The following MYO6 variants were observed in gnomAD, a reference collection of about 807,000 sequenced individuals.
MYO6 encodes the protein myosin VI.
Under a neutral mutation model 178.7 loss-of-function variants are expected in MYO6, and 74 were observed. The ratio of observed to expected loss-of-function variants is 0.41; its 90% CI spans 0.34 to 0.50. MYO6 has a LOEUF of 0.50. Among genes scored for constraint, MYO6 ranks in the 20% least tolerant of loss-of-function variants. The probability of loss-of-function intolerance (pLI) is 0.09; values close to 1 mark genes in which losing one functional copy is unlikely to be tolerated. For missense variants in MYO6, 1,330 were observed against 1,547.4 expected (o/e 0.86, Z 2.36); for synonymous variants, 477 against 504.6 (o/e 0.95, Z 0.73).
rs1776731269 is a variant in MYO6, at chr6:75,866,676, A to T, written c.1770+55A>T. 12 of 1,390,054 alleles carry T rather than the reference A, an allele frequency of 8.6e-6. 1 individual carries two copies. Among genetic ancestry groups the T allele is most frequent in the Non-Finnish European group, 1.2e-5 (12 of 976,036 alleles). The allele number at this position is 1,390,054 out of a possible 1,614,324, so 86.1% of individuals were successfully genotyped here. The stretch of plus-strand genomic sequence containing the variant: ...ATTTCATGTTGAAGCTGCACTGTAC[A>T]GTATGATAGCTTCTAGTCACGTGGT... On this transcript the variant is annotated intron_variant, in intron 17 of 34. Coordinates refer to ENST00000369977, the MANE Select transcript of MYO6 (RefSeq NM_004999.4).
chr6:75,881,816 A>T lies in MYO6; in HGVS notation c.2414A>T (p.Lys805Ile), dbSNP rs1778053391. 1 of 1,613,466 alleles carries T rather than the reference A, an allele frequency of 6.2e-7. No homozygotes were observed. The highest frequency in any genetic ancestry group is 8.5e-7 in the Non-Finnish European group (1 of 1,179,626). ...CAGTGGTGCTCACTCTCAGTCATCA[A>T]ATGTAGGTGTTTTCCTTTACACCTA... The part of the protein sequence containing the change: ...KVQWCSLSVI[K>I]LKNKIKYRAE... Residue 805 changes from lysine (K) to isoleucine (I), a missense_variant and splice_region_variant, in exon 23 of 35, where the codon AAA (lysine) becomes ATA (isoleucine). By Grantham distance (102) the Lys-to-Ile change is moderately radical. Coordinates refer to ENST00000369977, the MANE Select transcript of MYO6 (RefSeq NM_004999.4).
chr6:75,830,372 A>G, intron 4 of MYO6, 44 bp from the exon 5 acceptor site: 3 of 1,563,910 alleles, frequency 1.9e-6, no homozygotes, highest in Non-Finnish European at 2.6e-6. Flanking sequence ...CTTTAAATGA[A>G]AATAGTAATT....
At chr6:75,884,863 T>C (rs1030553945) in intron 23 of MYO6, among the ~76,000 whole-genome samples, 1 of 152,174 alleles carries the variant, frequency 6.6e-6, no homozygotes, top group Non-Finnish European at 1.5e-5. Flanking sequence ...TGTGATGTTA[T>C]ACCTGGGAGC....
intron 1 of MYO6, among the ~76,000 whole-genome samples, chr6:75,784,989 A>C (rs1447775042): frequency 6.6e-6 from 1 of 152,182 alleles, no homozygotes; most frequent in East Asian, 1.9e-4. Context: ...TATTCAGTGC[A>C]CACTTTCATT....
intron 14 of MYO6, among the ~76,000 whole-genome samples, chr6:75,860,169 C>T (rs1277641528): frequency 6.6e-6 from 1 of 152,212 alleles, no homozygotes; most frequent in Non-Finnish European, 1.5e-5. Flanking sequence ...ATTTTATTTC[C>T]TATTTCCATC....
chr6:75,795,894 A>C (rs1448199297), intron 1 of MYO6, among the ~76,000 whole-genome samples: 2 of 152,232 alleles, frequency 1.3e-5, no homozygotes, highest in Non-Finnish European at 2.9e-5. Context: ...TTGCTGAGTA[A>C]TAGCATTATT....
chr6:75,882,867 T>C lies in MYO6; in HGVS notation c.2416+1049T>C, dbSNP rs1421818231. On this transcript the variant is annotated intron_variant, in intron 23 of 34. Transcript: ENST00000369977. Reference sequence around the variant, plus strand: ...AATGCATAAACACATATTATTGTGGTTGGTAATTGTGCACCCAGCTTTGTT... The same window carrying C: ...AATGCATAAACACATATTATTGTGGCTGGTAATTGTGCACCCAGCTTTGTT... Among the ~76,000 whole-genome samples, 4 of 152,114 alleles carry C rather than the reference T, an allele frequency of 2.6e-5. No homozygotes were observed. In the East Asian group the frequency reaches 5.8e-4, roughly 22 times the overall value.
chr6:75,809,464 A>G (rs1770447439), intron 1 of MYO6, among the ~76,000 whole-genome samples: 1 of 152,216 alleles, frequency 6.6e-6, no homozygotes, highest in Non-Finnish European at 1.5e-5. Context: ...CAGAGCCAAT[A>G]TGAACGACTA....
intron 1 of MYO6, among the ~76,000 whole-genome samples, chr6:75,760,634 G>A (rs1482906878): frequency 6.6e-6 from 1 of 151,740 alleles, no homozygotes; most frequent in Non-Finnish European, 1.5e-5. Context: ...AAACAAATAT[G>A]TTTCCCAGCT....
intron 34 of MYO6, among the ~76,000 whole-genome samples, 188 bp downstream of exon 34, chr6:75,914,469 AAATTATG>A (rs1376448397): frequency 6.6e-6 from 1 of 152,206 alleles, no homozygotes; most frequent in African/African-American, 2.4e-5. Context: ...TGCTTGGATT[AAATTATG>A]TTCTTAGCAC....
intron 33 of MYO6, 104 bp downstream of exon 33, chr6:75,911,802 G>C (rs1562319046): frequency 1.4e-5 from 15 of 1,077,462 alleles, no homozygotes; most frequent in Non-Finnish European, 2.1e-5. Context: ...ATTTTCAGTG[G>C]AATTGTAGTG....
At chr6:75,885,885 A>G in intron 23 of MYO6, 119 bp from the exon 24 acceptor site, 1 of 686,046 alleles carries the variant, frequency 1.5e-6, no homozygotes, top group East Asian at 2.8e-5. Context: ...GATATATAAT[A>G]ATATGGTCGT....
At chr6:75,905,011 T>TG (rs1372418220) in intron 30 of MYO6, among the ~76,000 whole-genome samples, 6 of 152,282 alleles carry the variant, frequency 3.9e-5, no homozygotes, top group African/African-American at 1.2e-4. Flanking sequence ...CTGCCCCTGC[T>TG]GGGGGTGCCT....
At chr6:75,825,138 G>A (rs973324980) in intron 3 of MYO6, among the ~76,000 whole-genome samples, 6 of 152,132 alleles carry the variant, frequency 3.9e-5, no homozygotes, top group Non-Finnish European at 7.4e-5. Context: ...GTTGCTTATT[G>A]TCACAAGAAT....
intron 3 of MYO6, among the ~76,000 whole-genome samples, chr6:75,823,459 T>A (rs1772116978): frequency 1.3e-5 from 2 of 152,188 alleles, no homozygotes; most frequent in African/African-American, 4.8e-5. Flanking sequence ...TTAACAATTA[T>A]GTACACTTGT....
At chr6:75,756,893 G>GTGTATATA (rs33979235) in intron 1 of MYO6, among the ~76,000 whole-genome samples, 1 of 79,760 alleles carries the variant, frequency 1.3e-5, no homozygotes, top group African/African-American at 3.3e-5. Context: ...TGTTGTGTGT[G>GTGTATATA]TATATATATA....
intron 1 of MYO6, among the ~76,000 whole-genome samples, chr6:75,785,443 G>A (rs1187941586): frequency 7.0e-6 from 1 of 143,678 alleles, no homozygotes; most frequent in African/African-American, 2.6e-5. Flanking sequence ...CTAGTTTTTT[G>A]TTTTGTTTTG....
At chr6:75,797,026 A>G (rs1247368933) in intron 1 of MYO6, among the ~76,000 whole-genome samples, 2 of 152,092 alleles carry the variant, frequency 1.3e-5, no homozygotes, top group African/African-American at 4.8e-5. Flanking sequence ...TGTTGTGAAT[A>G]GTGCTGTGAT....
intron 30 of MYO6, 53 bp downstream of exon 30, chr6:75,898,464 T>A (rs1779478638): frequency 1.4e-6 from 2 of 1,440,478 alleles, no homozygotes; most frequent in Non-Finnish European, 2.0e-6. Context: ...ATCATATTTT[T>A]AAATTACTTT....
Sources: allele counts gnomAD v4.1 joint callset (sites outside exome capture counted in the v4.1 genomes callset), GRCh38; gene constraint gnomAD v4.1.1; transcripts MANE v1.5; gene names NCBI Gene and HGNC (gene_info 2026-07-23, HGNC 2026-07-21).